AGBL1: variants seen among roughly 807,000 people sequenced by gnomAD.
The protein encoded by AGBL1 is AGBL carboxypeptidase 1, also known as cytosolic carboxypeptidase 4.
In AGBL1, 130 loss-of-function variants were observed where a neutral mutation model predicts 118.9. The observed-to-expected ratio is 1.09, with a 90% CI of 0.95 to 1.26. The LOEUF (loss-of-function observed/expected upper bound fraction) is 1.26. AGBL1 is among the 50% of genes most tolerant of loss of function. The probability of loss-of-function intolerance (pLI) is 0.00; values close to 1 mark genes in which losing one functional copy is unlikely to be tolerated. For synonymous variants in AGBL1, 555 were observed against 478.9 expected, an observed-to-expected ratio of 1.16 and a Z score of -2.08; for missense variants, 1,584 against 1,298.1, an observed-to-expected ratio of 1.22 and a Z score of -3.38.
At chr15:86,612,401 A>G (rs953329453) in intron 21 of AGBL1, among the ~76,000 whole-genome samples, 1 of 147,068 alleles carries the variant, frequency 6.8e-6, no homozygotes, top group African/African-American at 2.5e-5. Flanking sequence ...GGGATTCCAA[A>G]AAAACCTGAA....
At chr15:86,583,449 C>T (rs980442076) in intron 21 of AGBL1, among the ~76,000 whole-genome samples, 2 of 152,034 alleles carry the variant, frequency 1.3e-5, no homozygotes, top group African/African-American at 4.8e-5. Context: ...ATTTTCTGTT[C>T]CTGTGTTAAT....
chr15:86,266,611 A>C (rs1319523619), intron 12 of AGBL1, among the ~76,000 whole-genome samples, 154 bp downstream of exon 12: 2 of 152,234 alleles, frequency 1.3e-5, no homozygotes, highest in South Asian at 2.1e-4. Context: ...GCTTAGCTTT[A>C]AGAATCATCG....
At chr15:86,442,926 AC>A (rs778405567) in intron 18 of AGBL1, among the ~76,000 whole-genome samples, 1 of 152,216 alleles carries the variant, frequency 6.6e-6, no homozygotes, top group Non-Finnish European at 1.5e-5. Flanking sequence ...TTCTCCTCCC[AC>A]CCCCTGCTCC....
chr15:86,457,898 G>A (rs117299983), intron 18 of AGBL1, among the ~76,000 whole-genome samples: 3,743 of 152,224 alleles, frequency 0.025, 62 homozygotes, highest in Non-Finnish European at 0.041. Context: ...GAGTGCCCCC[G>A]ATTCTTCCAT....
chr15:86,676,343 C>T (rs1452743655), intron 22 of AGBL1, among the ~76,000 whole-genome samples: 6 of 152,004 alleles, frequency 3.9e-5, no homozygotes, highest in African/African-American at 1.4e-4. Flanking sequence ...GATTCTTGCC[C>T]AAAGGACCTG....
intron 24 of AGBL1, among the ~76,000 whole-genome samples, chr15:87,001,874 A>G (rs1360312294): frequency 3.3e-5 from 5 of 152,034 alleles, no homozygotes; most frequent in Admixed American, 6.6e-5. Flanking sequence ...TTCTGGATGT[A>G]TTAGCCCTTT....
chr15:86,712,960 C>T (rs867310489), intron 22 of AGBL1, among the ~76,000 whole-genome samples: 2 of 152,230 alleles, frequency 1.3e-5, no homozygotes, highest in Middle Eastern at 3.4e-3. Flanking sequence ...TAACAATTGC[C>T]ACCCCCTTCC....
intron 6 of AGBL1, among the ~76,000 whole-genome samples, chr15:86,247,218 A>C (rs1041798366): frequency 1.3e-5 from 2 of 152,208 alleles, no homozygotes; most frequent in African/African-American, 4.8e-5. Context: ...CTGGCCCAAG[A>C]TTTAAACTAT....
At chr15:86,721,946 C>A (rs569853722) in intron 22 of AGBL1, among the ~76,000 whole-genome samples, 3 of 152,272 alleles carry the variant, frequency 2.0e-5, no homozygotes, top group East Asian at 1.9e-4. Flanking sequence ...ATCCAACTTA[C>A]AAGGGATGTG....
intron 17 of AGBL1, among the ~76,000 whole-genome samples, chr15:86,374,597 A>G (rs1364201724): frequency 6.6e-6 from 1 of 152,202 alleles, no homozygotes; most frequent in East Asian, 1.9e-4. Context: ...TAGGTTGTCT[A>G]TCTAAAACCC....
chr15:86,474,869 A>G (rs1398096640), intron 18 of AGBL1, among the ~76,000 whole-genome samples: 2 of 152,206 alleles, frequency 1.3e-5, no homozygotes, highest in East Asian at 3.9e-4. Context: ...TACCCCTCTG[A>G]GACGAAGCTT....
chr15:86,922,081 G>A (rs2080486772), intron 23 of AGBL1, among the ~76,000 whole-genome samples: 1 of 152,036 alleles, frequency 6.6e-6, no homozygotes, highest in Admixed American at 6.5e-5. Flanking sequence ...GGCTTATGTA[G>A]GAGGATGAAG....
intron 17 of AGBL1, chr15:86,304,964 C>T (rs2079815099): frequency 1.3e-5 from 2 of 152,352 alleles, no homozygotes; most frequent in East Asian, 3.9e-4. Context: ...TCCATCATCA[C>T]AGGCTGGATG....
At chr15:86,990,904 C>G (rs1329735381) in intron 24 of AGBL1, among the ~76,000 whole-genome samples, 1 of 152,088 alleles carries the variant, frequency 6.6e-6, no homozygotes, top group Non-Finnish European at 1.5e-5. Context: ...GGCATGAATG[C>G]TTTATCTGGC....
chr15:86,657,515 A>T (rs1194762559), intron 21 of AGBL1, among the ~76,000 whole-genome samples: 3 of 152,260 alleles, frequency 2.0e-5, no homozygotes, highest in East Asian at 3.9e-4. Flanking sequence ...ACTGGAGGTG[A>T]CGTTTAGAGT....
rs1045261585 is a variant in AGBL1 at position 86,207,528 on chromosome 15, A to T, written c.489-17386A>T. Among the ~76,000 whole-genome samples the T allele has an allele frequency of 2.6e-5, 4 of 152,104 alleles. No individual in the cohort carries two copies. In the East Asian group the frequency reaches 7.7e-4, roughly 29 times the overall value. ...AGTTCTCCTTGAAGAGATCCTTCAC[A>T]TCCCTTGTAAGTTGGATTCCTAGGT... On this transcript the variant is annotated intron_variant, in intron 5 of 22. Transcript: ENST00000614907.
Position 86,925,315 on chromosome 15 carries a change from T to A in AGBL1, c.3222-62672T>A, listed in dbSNP as rs1028751204. The stretch of plus-strand genomic sequence containing the variant: ...GAGGTATATGGTAGAGTCTAATAAT[T>A]TGCATCTCTTAGAAGTTCATAAATC... On this transcript the variant is annotated intron_variant, in intron 23 of 24. Transcript: ENST00000441037. 4.6e-5 allele frequency among the ~76,000 whole-genome samples: 7 copies of A among 152,178 alleles called. No individual in the cohort carries two copies. The East Asian group carries it at 1.4e-3, about 29-fold the overall frequency.
chr15:86,441,064 C>A (rs1258889531), intron 18 of AGBL1, among the ~76,000 whole-genome samples: 1 of 152,120 alleles, frequency 6.6e-6, no homozygotes. Context: ...GGACAGAAAC[C>A]ATCCATTCTA....
rs1425407299 is a variant in AGBL1, at chr15:86,305,957, T to A, written c.2374+10549T>A. ...TTCCATGGCTCAGTCAACAATTTTA[T>A]CTGTCTTCTGCATTTTTATACTTAA... is the stretch of plus-strand genomic sequence containing the variant. On this transcript the variant is annotated intron_variant, in intron 17 of 22. Transcript: ENST00000614907. 2.6e-5 allele frequency among the ~76,000 whole-genome samples: 4 copies of A among 152,292 alleles called. No individual in the cohort carries two copies. In the East Asian group the frequency reaches 7.7e-4, roughly 29 times the overall value.
Sources: allele counts gnomAD v4.1 joint callset (sites outside exome capture counted in the v4.1 genomes callset), GRCh38; gene constraint gnomAD v4.1.1; transcripts MANE v1.5; gene names NCBI Gene and HGNC (gene_info 2026-07-23, HGNC 2026-07-21).